ARHGEF7: variants seen among roughly 807,000 people sequenced by gnomAD.
ARHGEF7 encodes PAK-interacting exchange factor beta.
ARHGEF7 carries 33 observed loss-of-function variants against 109.8 expected under a neutral mutation model. That is an observed-to-expected ratio of 0.30 (90% CI 0.23 to 0.40). The LOEUF (loss-of-function observed/expected upper bound fraction) is 0.40, where lower values mean the gene tolerates loss of function less well. Ranked by LOEUF, ARHGEF7 falls within the 10% of genes least tolerant of loss-of-function variation. The pLI, the probability that ARHGEF7 is intolerant of heterozygous loss-of-function variation, is 1.00. For missense variants in ARHGEF7, 938 were observed against 1,098.5 expected (o/e 0.85, Z 2.07); for synonymous variants, 458 against 424.6 (o/e 1.08, Z -0.97).
intron 19 of ARHGEF7, among the ~76,000 whole-genome samples, chr13:111,297,017 C>G (rs1211513501): frequency 2.0e-5 from 3 of 152,210 alleles, no homozygotes; most frequent in Non-Finnish European, 4.4e-5. Context: ...TTTTTCCATT[C>G]TAGGTAACTC....
intron 2 of ARHGEF7, among the ~76,000 whole-genome samples, chr13:111,193,748 C>T (rs1341534523): frequency 6.6e-6 from 1 of 152,190 alleles, no homozygotes; most frequent in Non-Finnish European, 1.5e-5. Context: ...CCATTGTCCA[C>T]CAATGAACTT....
intron 1 of ARHGEF7, among the ~76,000 whole-genome samples, chr13:111,137,682 T>G (rs1210177518): frequency 6.6e-6 from 1 of 152,160 alleles, no homozygotes; most frequent in Non-Finnish European, 1.5e-5. Context: ...GCATAATTTT[T>G]TAAAATAAAA....
intron 18 of ARHGEF7, among the ~76,000 whole-genome samples, chr13:111,291,218 G>A (rs891093544): frequency 6.6e-6 from 1 of 152,252 alleles, no homozygotes; most frequent in Non-Finnish European, 1.5e-5. Context: ...AGACCCTGGC[G>A]GCCCAGCCTG....
At chr13:111,198,495 C>T (rs954633629) in intron 2 of ARHGEF7, among the ~76,000 whole-genome samples, 8 of 152,002 alleles carry the variant, frequency 5.3e-5, no homozygotes, top group Non-Finnish European at 8.8e-5. Flanking sequence ...TTTCTTCCTT[C>T]CGGTGGGTTT....
chr13:111,299,803 G>A (rs1445601615), intron 19 of ARHGEF7, among the ~76,000 whole-genome samples: 2 of 152,198 alleles, frequency 1.3e-5, no homozygotes, highest in Non-Finnish European at 2.9e-5. Flanking sequence ...CGGAAGCACT[G>A]TAGTTTCCAT....
chr13:111,137,907 T>C (rs926786126), intron 1 of ARHGEF7, among the ~76,000 whole-genome samples: 1 of 152,190 alleles, frequency 6.6e-6, no homozygotes, highest in Non-Finnish European at 1.5e-5. Context: ...CACACTGTTT[T>C]AGGTAAAGAT....
At chr13:111,242,830 C>T (rs1281467252) in intron 6 of ARHGEF7, among the ~76,000 whole-genome samples, 1 of 152,314 alleles carries the variant, frequency 6.6e-6, no homozygotes, top group African/African-American at 2.4e-5. Flanking sequence ...GCCCCTTGCT[C>T]GGTGCCAGGA....
chr13:111,183,505 G>A (rs2078964677), intron 2 of ARHGEF7, among the ~76,000 whole-genome samples: 2 of 152,214 alleles, frequency 1.3e-5, no homozygotes, highest in African/African-American at 4.8e-5. Flanking sequence ...CTGTGGCTTC[G>A]TCTTTTCTAA....
chr13:111,286,084 T>G, intron 16 of ARHGEF7, 63 bp from the exon 17 acceptor site: 3 of 1,335,968 alleles, frequency 2.2e-6, no homozygotes, highest in Non-Finnish European at 3.2e-6. Context: ...GCAGCCTTTC[T>G]GATATGCCAG....
At chr13:111,236,734 A>G (rs1249798353) in intron 6 of ARHGEF7, among the ~76,000 whole-genome samples, 1 of 152,196 alleles carries the variant, frequency 6.6e-6, no homozygotes, top group Non-Finnish European at 1.5e-5. Flanking sequence ...TGGGAGGCCT[A>G]GTAGGGAGGA....
rs138776806 is a variant in ARHGEF7, at chr13:111,255,529, G to C, written c.950+11235G>C. Among the ~76,000 whole-genome samples the C allele has an allele frequency of 2.5e-3, 385 of 152,342 alleles. 1 individual carries two copies. The highest frequency in any genetic ancestry group is 0.011 in the South Asian group (53 of 4,828). On this transcript the variant is annotated intron_variant, in intron 8 of 21. Transcript: ENST00000646102. This position sits in a 1 kb window ranked among gnomAD's most constrained non-coding sequence, Gnocchi z 4.1. The stretch of plus-strand genomic sequence containing the variant: ...CTGCAAATGCTCGGGGCCCTACTTG[G>C]CGTCTGGAGCTGAGTTCTCCTGCAG...
chr13:111,189,450 C>T (rs547319953), intron 2 of ARHGEF7, among the ~76,000 whole-genome samples: 4 of 152,182 alleles, frequency 2.6e-5, no homozygotes, highest in South Asian at 2.1e-4. Flanking sequence ...GTGGCGCATC[C>T]GGAGTTGATT....
chr13:111,185,961 C>CGTGTGTGTGTGTGTGTGTGTGT (rs71127998), intron 2 of ARHGEF7, among the ~76,000 whole-genome samples: 8 of 135,778 alleles, frequency 5.9e-5, no homozygotes, highest in Admixed American at 1.5e-4. Context: ...TTTGGGAGCT[C>CGTGTGTGTGTGTGTGTGTGTGT]GTGTGTGTGT....
At chr13:111,175,642 C>G (rs1011462326) in intron 2 of ARHGEF7, among the ~76,000 whole-genome samples, 10 of 152,162 alleles carry the variant, frequency 6.6e-5, no homozygotes, top group African/African-American at 2.4e-4. Context: ...GCTCCAGGCG[C>G]TTTGAAAGGT....
At chr13:111,292,550 T>A (rs1422239830) in intron 19 of ARHGEF7, 1 of 1,385,446 alleles carries the variant, frequency 7.2e-7, no homozygotes, top group Non-Finnish European at 9.3e-7. Context: ...CACGTGAGCC[T>A]ACATCCGAGG....
chr13:111,155,925 A>C (rs1242989528), intron 2 of ARHGEF7, among the ~76,000 whole-genome samples: 1 of 152,032 alleles, frequency 6.6e-6, no homozygotes, highest in Non-Finnish European at 1.5e-5. Context: ...AAACAAACCC[A>C]AAAACAAAAA....
chr13:111,264,878 A>G (rs1013125220), intron 8 of ARHGEF7, among the ~76,000 whole-genome samples: 8 of 152,134 alleles, frequency 5.3e-5, no homozygotes, highest in Non-Finnish European at 1.0e-4. Flanking sequence ...TGACATCTAC[A>G]TATTGCTATG....
chr13:111,189,538 A>AT (rs2079624534), intron 2 of ARHGEF7, among the ~76,000 whole-genome samples: 2 of 152,350 alleles, frequency 1.3e-5, no homozygotes, highest in South Asian at 2.1e-4. Flanking sequence ...TTAACAGCTT[A>AT]TAAAGGTAGT....
At chr13:111,175,032 G>C (rs2078000910) in intron 2 of ARHGEF7, among the ~76,000 whole-genome samples, 1 of 152,206 alleles carries the variant, frequency 6.6e-6, no homozygotes, top group African/African-American at 2.4e-5. Flanking sequence ...ACTCTTCCCT[G>C]TTTTAAGTTG....
Sources: gnomAD v4.1 joint callset for allele counts (sites outside exome capture counted in the v4.1 genomes callset) on GRCh38, gnomAD v4.1.1 for gene constraint, Gnocchi (gnomAD v3.1) non-coding constraint, MANE v1.5 for transcripts, NCBI Gene and HGNC (gene_info 2026-07-23, HGNC 2026-07-21) for gene names.